Variants in NR1H4 observed in about 807,000 individuals in gnomAD.
NR1H4 encodes the protein bile acid receptor.
Under a neutral mutation model 58.5 loss-of-function variants are expected in NR1H4, and 23 were observed. The observed-to-expected ratio is 0.39, with a 90% CI of 0.28 to 0.56. The LOEUF (loss-of-function observed/expected upper bound fraction) is 0.56, where lower values mean the gene tolerates loss of function less well. NR1H4 is among the 20% of genes least tolerant of loss of function. The pLI, the probability that NR1H4 is intolerant of heterozygous loss-of-function variation, is 0.58. For missense variants in NR1H4, 487 were observed against 576.9 expected (o/e 0.84, Z 1.60); for synonymous variants, 214 against 198.0 (o/e 1.08, Z -0.68).
At chr12:100,514,656 A>G (rs1374916913) in intron 4 of NR1H4, among the ~76,000 whole-genome samples, 1 of 152,184 alleles carries the variant, frequency 6.6e-6, no homozygotes, top group African/African-American at 2.4e-5. Context: ...GAGACTATTC[A>G]GTGAAAAGTA....
chr12:100,535,627 C>T (rs1470148033), intron 6 of NR1H4, among the ~76,000 whole-genome samples: 1 of 152,198 alleles, frequency 6.6e-6, no homozygotes, highest in Non-Finnish European at 1.5e-5. Context: ...TTGTCCAAAC[C>T]ACACCCTTCT....
At chr12:100,512,413 G>A (rs1396782013) in intron 4 of NR1H4, among the ~76,000 whole-genome samples, 4 of 152,126 alleles carry the variant, frequency 2.6e-5, no homozygotes, top group South Asian at 2.1e-4. Context: ...AGACCAAGAC[G>A]GGTGGATCAT....
chr12:100,544,923 G>C (rs1323272355), intron 9 of NR1H4, among the ~76,000 whole-genome samples: 1 of 152,140 alleles, frequency 6.6e-6, no homozygotes, highest in Non-Finnish European at 1.5e-5. Context: ...GGATATGGAA[G>C]TTCTGTTGTG....
chr12:100,476,949 A>G (rs1284789849), intron 1 of NR1H4, among the ~76,000 whole-genome samples: 3 of 152,190 alleles, frequency 2.0e-5, no homozygotes, highest in Non-Finnish European at 4.4e-5. Flanking sequence ...TTTTATTGTC[A>G]CAGTAGTTTC....
At chr12:100,517,574 T>C (rs1024135860) in intron 4 of NR1H4, among the ~76,000 whole-genome samples, 1 of 152,208 alleles carries the variant, frequency 6.6e-6, no homozygotes, top group African/African-American at 2.4e-5. Context: ...GATTATATAG[T>C]AGTTACATTT....
intron 8 of NR1H4, among the ~76,000 whole-genome samples, chr12:100,537,463 A>G (rs1172870572): frequency 6.6e-6 from 1 of 152,184 alleles, no homozygotes; most frequent in East Asian, 1.9e-4. Flanking sequence ...CCTACTCTAT[A>G]CTAAGTGCCT....
chr12:100,514,601 A>G (rs896383303), intron 4 of NR1H4, among the ~76,000 whole-genome samples: 1 of 152,124 alleles, frequency 6.6e-6, no homozygotes, highest in African/African-American at 2.4e-5. Flanking sequence ...GACATTGCTA[A>G]ATGTCCTCTG....
intron 4 of NR1H4, among the ~76,000 whole-genome samples, chr12:100,517,600 A>G (rs971594052): frequency 6.6e-6 from 1 of 152,218 alleles, no homozygotes; most frequent in African/African-American, 2.4e-5. Context: ...TTTGTGAGGA[A>G]ACATCATACT....
At chr12:100,501,757 A>G (rs182025732) in intron 3 of NR1H4, among the ~76,000 whole-genome samples, 59 of 152,236 alleles carry the variant, frequency 3.9e-4, no homozygotes, top group Middle Eastern at 3.4e-3. Context: ...ATCTCATTTT[A>G]TCTTCAGAAC....
chr12:100,500,439 C>T (rs1953808708), intron 3 of NR1H4, among the ~76,000 whole-genome samples: 1 of 152,178 alleles, frequency 6.6e-6, no homozygotes, highest in Non-Finnish European at 1.5e-5. Flanking sequence ...AATGTTCTAG[C>T]TCTACTTCGT....
chr12:100,494,173 A>G (rs1171531173), intron 3 of NR1H4, among the ~76,000 whole-genome samples: 1 of 152,188 alleles, frequency 6.6e-6, no homozygotes, highest in Non-Finnish European at 1.5e-5. Context: ...GAAAATGCAA[A>G]CACTAGAAGT....
In NR1H4 at chr12:100,527,878, A is replaced by AT. The variant is rs567902290; in HGVS notation, c.446-4580_446-4579insT. Among the ~76,000 whole-genome samples, 47 of 151,970 alleles carry AT rather than the reference A, an allele frequency of 3.1e-4. No individual in the cohort carries two copies. In the East Asian group the frequency reaches 5.2e-3, roughly 17 times the overall value. ...CCCTAAAACTTAAAGTATAATAATAAAAAAAAAGAAAGAGATAATAGTAGT... is the reference window on the plus strand; with the variant it reads ...CCCTAAAACTTAAAGTATAATAATAATAAAAAAAGAAAGAGATAATAGTAGT... On this transcript the variant is annotated intron_variant, in intron 4 of 10. Coordinates refer to ENST00000392986, the MANE Select transcript of NR1H4 (RefSeq NM_001206979.2).
intron 3 of NR1H4, chr12:100,505,681 T>G: frequency 1.5e-6 from 1 of 681,142 alleles, no homozygotes; most frequent in Non-Finnish European, 2.6e-6. Flanking sequence ...TCATACTCTT[T>G]GATAGGCTAA....
At chr12:100,475,161 A>AAT (rs1555330027) in intron 1 of NR1H4, among the ~76,000 whole-genome samples, 6,937 of 113,422 alleles carry the variant, frequency 0.061, 526 homozygotes, top group African/African-American at 0.18. Context: ...ATCTATCTAA[A>AAT]TTTTTTTTTC....
Position 100,536,529 on chromosome 12 carries a change from C to T in NR1H4, c.750C>T (p.Thr250=), listed in dbSNP as rs1322754256. The T allele has an allele frequency of 3.7e-6, 6 of 1,608,142 alleles. No homozygotes were observed. Among genetic ancestry groups the T allele is most frequent in the African/African-American group, 1.3e-5 (1 of 74,692 alleles). The change falls in exon 7 of 11, where the codon ACC becomes ACT. Residue 250 remains threonine, a synonymous_variant. Coordinates refer to ENST00000392986, the MANE Select transcript of NR1H4 (RefSeq NM_001206979.2). ...CAGTGTAGGAGAAAACTGAACTCAC[C>T]CCAGATCAACAGACTCTTCTACATT... ...TKSCREKTEL[T]PDQQTLLHFI...
chr12:100,542,681 T>A (rs1446910415), intron 9 of NR1H4, among the ~76,000 whole-genome samples: 1 of 152,184 alleles, frequency 6.6e-6, no homozygotes, highest in Non-Finnish European at 1.5e-5. Context: ...AGATAGAGAT[T>A]AGAGGGAAAG....
rs1053596306 is a variant in NR1H4, at chr12:100,556,072, G to A, written c.1079-5813G>A. ...AGAGGGTGGTATTTTGACCAGAGAG[G>A]AAAACGGCAAGGATTTAATTTGGGA... On this transcript the variant is annotated intron_variant, in intron 9 of 10. Coordinates refer to ENST00000392986, the MANE Select transcript of NR1H4 (RefSeq NM_001206979.2). Among the ~76,000 whole-genome samples, 5 of 152,102 alleles carry A rather than the reference G, an allele frequency of 3.3e-5. No homozygotes were observed. The South Asian group carries it at 8.3e-4, about 25-fold the overall frequency.
chr12:100,497,226 G>A (rs1250477287), intron 3 of NR1H4, among the ~76,000 whole-genome samples: 1 of 152,060 alleles, frequency 6.6e-6, no homozygotes, highest in Non-Finnish European at 1.5e-5. Context: ...GTCACCCCAG[G>A]GGGCATTAAT....
In NR1H4 at chr12:100,535,003, T is replaced by G; in HGVS notation, c.712T>G (p.Ser238Ala). Reference protein sequence around the residue: ...SEGRDLRQVTSTTKSCREKTE... With the variant: ...SEGRDLRQVTATTKSCREKTE... ...AGGTCGTGACTTGCGACAAGTGACCTCGACAACAAAGTCATGCAGGGTAAT... is the reference window on the plus strand; with the variant it reads ...AGGTCGTGACTTGCGACAAGTGACCGCGACAACAAAGTCATGCAGGGTAAT... The change falls in exon 6 of 11, where the codon TCG (serine) becomes GCG (alanine). Residue 238 changes from serine (S) to alanine (A), a missense_variant. Transcript: ENST00000392986. 1 of 1,614,226 alleles carries G rather than the reference T, an allele frequency of 6.2e-7. No individual in the cohort carries two copies. The highest frequency in any genetic ancestry group is 1.3e-5 in the African/African-American group (1 of 75,064).
Sources: gnomAD v4.1 joint callset for allele counts (sites outside exome capture counted in the v4.1 genomes callset) on GRCh38, gnomAD v4.1.1 for gene constraint, MANE v1.5 for transcripts, NCBI Gene and HGNC (gene_info 2026-07-23, HGNC 2026-07-21) for gene names.